STPG2: variants seen among roughly 807,000 people sequenced by gnomAD.
STPG2 encodes sperm tail PG-rich repeat containing 2, also known as sperm-tail PG-rich repeat-containing protein 2.
Under a neutral mutation model 54.2 loss-of-function variants are expected in STPG2, and 56 were observed. The observed-to-expected ratio is 1.03, with a 90% CI of 0.83 to 1.29. The LOEUF is 1.29. STPG2 is among the 50% of genes most tolerant of loss of function. The probability of loss-of-function intolerance (pLI) is 0.00; values close to 1 mark genes in which losing one functional copy is unlikely to be tolerated. For missense variants in STPG2, 596 were observed against 544.9 expected, an observed-to-expected ratio of 1.09 and a Z score of -0.93; for synonymous variants, 200 against 181.8, an observed-to-expected ratio of 1.10 and a Z score of -0.81.
intron 9 of STPG2, among the ~76,000 whole-genome samples, chr4:97,817,014 G>A (rs1434486807): frequency 6.9e-6 from 1 of 144,884 alleles, no homozygotes; most frequent in Non-Finnish European, 1.5e-5. Flanking sequence ...ATTTCCTATT[G>A]GTTCTGTTTT....
At chr4:98,105,268 G>A (rs1258446860) in intron 5 of STPG2, among the ~76,000 whole-genome samples, 4 of 152,018 alleles carry the variant, frequency 2.6e-5, no homozygotes, top group East Asian at 1.9e-4. Flanking sequence ...CTTTAAATTC[G>A]GTTAAAGTTT....
rs1047132989 is a variant in STPG2 at position 97,725,567 on chromosome 4, A to G, written c.1205-12753T>C. ...TCCAGGAGCACATAACTGTTGGTAT[A>G]GAAAATTATAAGAAAAATAGCTTAC... On this transcript the variant is annotated intron_variant, in intron 9 of 10. Coordinates refer to ENST00000295268, the MANE Select transcript of STPG2 (RefSeq NM_174952.3). Among the ~76,000 whole-genome samples, 3 of 151,946 alleles carry G rather than the reference A, an allele frequency of 2.0e-5. No individual in the cohort carries two copies. In the East Asian group the frequency reaches 5.8e-4, roughly 29 times the overall value.
chr4:97,864,387 C>A (rs550641210), intron 8 of STPG2, among the ~76,000 whole-genome samples: 1 of 151,972 alleles, frequency 6.6e-6, no homozygotes, highest in South Asian at 2.1e-4. Flanking sequence ...TTACAAGGGA[C>A]GTGAAGGATC....
intron 4 of STPG2, among the ~76,000 whole-genome samples, chr4:97,474,239 T>A (rs1730017019): frequency 6.6e-6 from 1 of 151,784 alleles, no homozygotes; most frequent in Admixed American, 6.6e-5. Context: ...GAACGTAAAA[T>A]TGCTCTAGAA....
chr4:97,827,352 C>T (rs1219807607), intron 9 of STPG2, among the ~76,000 whole-genome samples: 1 of 151,582 alleles, frequency 6.6e-6, no homozygotes, highest in Non-Finnish European at 1.5e-5. Context: ...TCTCCTGCCT[C>T]AGCCTCCTGA....
At chr4:97,656,526 A>C (rs968472073) in intron 10 of STPG2, among the ~76,000 whole-genome samples, 2 of 152,010 alleles carry the variant, frequency 1.3e-5, no homozygotes, top group Non-Finnish European at 2.9e-5. Context: ...AATATCACTG[A>C]GCATTCCCCT....
At chr4:98,083,778 G>C (rs945574206) in intron 5 of STPG2, among the ~76,000 whole-genome samples, 1 of 152,170 alleles carries the variant, frequency 6.6e-6, no homozygotes, top group African/African-American at 2.4e-5. Context: ...TCACCGTAAT[G>C]AAGATATAGA....
intron 9 of STPG2, among the ~76,000 whole-genome samples, chr4:97,740,806 C>G (rs1403111197): frequency 6.6e-6 from 1 of 152,132 alleles, no homozygotes; most frequent in East Asian, 1.9e-4. Context: ...TTTATACATT[C>G]AATGCCATCC....
At chr4:97,540,330 G>A (rs1366618262) in intron 4 of STPG2, among the ~76,000 whole-genome samples, 1 of 152,106 alleles carries the variant, frequency 6.6e-6, no homozygotes, top group Non-Finnish European at 1.5e-5. Flanking sequence ...ACTACCATCA[G>A]AGAATACTAT....
At chr4:97,618,424 G>A (rs1166306598) in intron 10 of STPG2, among the ~76,000 whole-genome samples, 1 of 151,602 alleles carries the variant, frequency 6.6e-6, no homozygotes, top group East Asian at 1.9e-4. Context: ...CAGAATCATG[G>A]GAAATTAAAA....
At chr4:97,499,014 A>G (rs1730666887) in intron 4 of STPG2, among the ~76,000 whole-genome samples, 1 of 152,004 alleles carries the variant, frequency 6.6e-6, no homozygotes, top group Non-Finnish European at 1.5e-5. Flanking sequence ...AAAATCCTGT[A>G]AATTCTCATC....
chr4:98,024,624 C>G (rs1736354912), intron 5 of STPG2, among the ~76,000 whole-genome samples: 1 of 152,064 alleles, frequency 6.6e-6, no homozygotes, highest in South Asian at 2.1e-4. Context: ...AAGAATAAAC[C>G]AAAGTATCTA....
intron 8 of STPG2, among the ~76,000 whole-genome samples, chr4:97,877,701 A>G (rs1471114028): frequency 2.0e-5 from 3 of 152,122 alleles, no homozygotes; most frequent in African/African-American, 4.8e-5. Flanking sequence ...GGGAGCTACA[A>G]TTCAAGATGG....
At chr4:97,836,861 A>T (rs1024950460) in intron 9 of STPG2, among the ~76,000 whole-genome samples, 1 of 149,036 alleles carries the variant, frequency 6.7e-6, no homozygotes, top group Non-Finnish European at 1.5e-5. Context: ...ATAAATGATA[A>T]TTAATAACAA....
intron 9 of STPG2, among the ~76,000 whole-genome samples, chr4:97,777,993 A>G (rs1726436643): frequency 6.6e-6 from 1 of 152,192 alleles, no homozygotes; most frequent in East Asian, 1.9e-4. Flanking sequence ...TGAGCGACAC[A>G]GAAGACAGGT....
chr4:97,650,838 A>T (rs1722044834), intron 10 of STPG2, among the ~76,000 whole-genome samples: 1 of 152,124 alleles, frequency 6.6e-6, no homozygotes, highest in East Asian at 1.9e-4. Context: ...TGGAGAAGAA[A>T]CATGTTTTCA....
intron 8 of STPG2, among the ~76,000 whole-genome samples, chr4:97,900,638 T>A (rs1213093871): frequency 6.6e-6 from 1 of 152,086 alleles, no homozygotes; most frequent in Non-Finnish European, 1.5e-5. Flanking sequence ...TGGATAGATC[T>A]GGAGGCCATT....
intron 5 of STPG2, among the ~76,000 whole-genome samples, chr4:98,032,433 CGA>C (rs1325110315): frequency 1.3e-5 from 2 of 152,030 alleles, no homozygotes; most frequent in African/African-American, 4.8e-5. Flanking sequence ...TTAAAAATCA[CGA>C]GATACCATCT....
chr4:97,457,732 C>T (rs1432919989), intron 4 of STPG2, among the ~76,000 whole-genome samples: 2 of 152,140 alleles, frequency 1.3e-5, no homozygotes, highest in South Asian at 2.1e-4. Context: ...GCAAATAATA[C>T]GTGAAAGTAG....
Sources: allele counts gnomAD v4.1 joint callset (sites outside exome capture counted in the v4.1 genomes callset), GRCh38; gene constraint gnomAD v4.1.1; transcripts MANE v1.5; gene names NCBI Gene and HGNC (gene_info 2026-07-23, HGNC 2026-07-21).